The following NCOR1 variants were observed in gnomAD, a reference collection of about 807,000 sequenced individuals.
The protein encoded by NCOR1 is nuclear receptor corepressor 1.
Under a neutral mutation model 288.1 loss-of-function variants are expected in NCOR1, and 63 were observed. The ratio of observed to expected loss-of-function variants is 0.22; its 90% CI spans 0.18 to 0.27. The LOEUF is 0.27. Ranked by LOEUF, NCOR1 falls within the 10% of genes least tolerant of loss-of-function variation. NCOR1 has a pLI of 1.00. For missense variants in NCOR1, 2,397 were observed against 3,019.2 expected (o/e 0.79, Z 4.83); for synonymous variants, 1,007 against 1,065.9 (o/e 0.94, Z 1.08).
chr17:16,061,948 T>C lies in NCOR1; in HGVS notation c.5388-54A>G. ...TGAAGGGAAGACCATTTGCTGGGAATGTGGTGGGGAGATGGAAGGACAAAC... is the reference window on the plus strand; with the variant it reads ...TGAAGGGAAGACCATTTGCTGGGAACGTGGTGGGGAGATGGAAGGACAAAC... On this transcript the variant is annotated intron_variant, in intron 36 of 45. Coordinates refer to ENST00000268712, the MANE Select transcript of NCOR1 (RefSeq NM_006311.4). 8 of 1,566,236 alleles carry C rather than the reference T, an allele frequency of 5.1e-6. No individual in the cohort carries two copies. In the South Asian group the frequency reaches 9.7e-5, roughly 19 times the overall value.
Position 16,126,179 on chromosome 17 carries a change from T to G in NCOR1, c.1537A>C (p.Lys513Gln), listed in dbSNP as rs1247354377. The G allele has an allele frequency of 6.4e-7, 1 of 1,557,118 alleles. No individual in the cohort carries two copies. The highest frequency in any genetic ancestry group is 8.6e-7 in the Non-Finnish European group (1 of 1,158,108). ...QQIARPSQEE[K>Q]VEEKEEDKAE... ...TTATCCTCTTCTTTTTCTTCTACTT[T>G]TTCTTCTTGCGAGGGTCGAGCAATT... The change falls in exon 15 of 46, where the codon AAA (lysine) becomes CAA (glutamine). Residue 513 changes from lysine to glutamine, a missense_variant. Physicochemically the swap from Lys to Gln is moderately conservative, Grantham distance 53. Coordinates refer to ENST00000268712, the MANE Select transcript of NCOR1 (RefSeq NM_006311.4).
chr17:16,077,385 C>T (rs971181495), intron 26 of NCOR1, among the ~76,000 whole-genome samples: 4 of 146,156 alleles, frequency 2.7e-5, no homozygotes, highest in African/African-American at 1.0e-4. Flanking sequence ...GCCTGGGCAA[C>T]AGAGCAAGAC....
At chr17:16,092,900 C>T (rs963131733) in intron 21 of NCOR1, among the ~76,000 whole-genome samples, 19 of 150,546 alleles carry the variant, frequency 1.3e-4, no homozygotes, top group African/African-American at 2.9e-4. Context: ...GAAGGGGTTT[C>T]GCCATGTTGG....
intron 11 of NCOR1, among the ~76,000 whole-genome samples, chr17:16,143,075 T>G (rs1294629662): frequency 6.6e-6 from 1 of 152,214 alleles, no homozygotes; most frequent in Non-Finnish European, 1.5e-5. Context: ...TGCAGACAGA[T>G]GACTCTGATA....
At chr17:16,033,616 A>G (rs969546000) in intron 45 of NCOR1, among the ~76,000 whole-genome samples, 2 of 151,232 alleles carry the variant, frequency 1.3e-5, no homozygotes, top group African/African-American at 4.9e-5. Flanking sequence ...AAGATGGCTT[A>G]TAATTCTCTG....
intron 35 of NCOR1, among the ~76,000 whole-genome samples, chr17:16,063,049 A>G (rs911651680): frequency 4.6e-5 from 7 of 152,300 alleles, no homozygotes; most frequent in South Asian, 2.1e-4. Flanking sequence ...CACTGGCTTC[A>G]TAACAGCTAG....
rs1971824352 is a variant in NCOR1, at chr17:16,030,533, TTA to T, written c.*1761_*1762del. On this transcript the variant is annotated 3_prime_UTR_variant, in exon 46 of 46. Coordinates refer to ENST00000268712, the MANE Select transcript of NCOR1 (RefSeq NM_006311.4). ...AGCAGAAAACTGTGAAGTGGAACAT[TTA>T]GTCACTGTTTTTCATTCATTTTGAA... 1 of 192,772 alleles carries T rather than the reference TTA, an allele frequency of 5.2e-6. No homozygotes were observed. The highest frequency in any genetic ancestry group is 2.3e-5 in the African/African-American group (1 of 43,032). 11.9% of individuals were successfully genotyped at this position (192,772 alleles called of 1,614,324 possible). A position where few individuals can be genotyped will look rare whatever the true frequency, so the allele number is the denominator to read the frequency against.
At position 16,064,972 on chromosome 17, in the gene NCOR1, G is replaced by A. The variant is rs755439859; in HGVS notation, c.4999C>T (p.Pro1667Ser). Residue 1667 changes from proline to serine, a missense_variant, in exon 34 of 46, where the codon CCA becomes TCA. Around this residue, in one of 11 missense-constraint regions of NCOR1, gnomAD observed 1,872 missense variants for 2,187.8 expected, o/e 0.86. Coordinates refer to ENST00000268712, the MANE Select transcript of NCOR1 (RefSeq NM_006311.4). ...ATGGGAGGAGTGCTTGTTCCCCCTG[G>A]ATGAGGCACTAAAATTGTTGGAGGC... ...NMPPTILVPH[P>S]GGTSTPPMDR... is the part of the protein sequence containing the mutation. 6.2e-7 allele frequency: 1 copy of A among 1,613,810 alleles called. No homozygotes were observed. The highest frequency in any genetic ancestry group is 8.5e-7 in the Non-Finnish European group (1 of 1,179,860).
At chr17:16,054,829 G>C (rs1415747387) in intron 40 of NCOR1, among the ~76,000 whole-genome samples, 1 of 152,184 alleles carries the variant, frequency 6.6e-6, no homozygotes. Context: ...CTACTTAGGA[G>C]GCTGAGGCAG....
chr17:16,076,009 A>G (rs2062401689), intron 26 of NCOR1, among the ~76,000 whole-genome samples: 1 of 152,250 alleles, frequency 6.6e-6, no homozygotes, highest in South Asian at 2.1e-4. Flanking sequence ...TCTCTTAAGG[A>G]CTAAAATCAA....
At chr17:16,098,311 T>C in intron 21 of NCOR1, 56 bp downstream of exon 21, 1 of 1,533,018 alleles carries the variant, frequency 6.5e-7, no homozygotes, top group Non-Finnish European at 8.9e-7. Context: ...AAGAAATATG[T>C]CTATAAAGGT....
At chr17:16,094,226 C>T (rs1371394748) in intron 21 of NCOR1, among the ~76,000 whole-genome samples, 2 of 151,986 alleles carry the variant, frequency 1.3e-5, no homozygotes, top group Non-Finnish European at 2.9e-5. Context: ...TTATGCAGAC[C>T]GGTCCATACG....
intron 8 of NCOR1, 73 bp downstream of exon 8, chr17:16,151,873 A>G: frequency 8.9e-7 from 1 of 1,119,770 alleles, no homozygotes; most frequent in East Asian, 2.4e-5. Context: ...TAATGTCAGC[A>G]GATAACAAAA....
At chr17:16,190,208 T>C (rs2087842446) in intron 2 of NCOR1, among the ~76,000 whole-genome samples, 2 of 152,190 alleles carry the variant, frequency 1.3e-5, no homozygotes, top group African/African-American at 2.4e-5. Flanking sequence ...TCAGCCTGGG[T>C]GATAGAGTGA....
chr17:16,141,222 G>C (rs1240578108), intron 11 of NCOR1, among the ~76,000 whole-genome samples: 1 of 152,072 alleles, frequency 6.6e-6, no homozygotes, highest in Non-Finnish European at 1.5e-5. Flanking sequence ...ATATAACAAT[G>C]CACTGAAAAG....
intron 14 of NCOR1, among the ~76,000 whole-genome samples, chr17:16,126,847 G>A (rs977642538): frequency 3.3e-5 from 5 of 152,122 alleles, no homozygotes. Flanking sequence ...AAAGAAAAAA[G>A]TGAAACTAAG....
At chr17:16,142,850 A>C (rs1599332953) in intron 11 of NCOR1, among the ~76,000 whole-genome samples, 1 of 152,206 alleles carries the variant, frequency 6.6e-6, no homozygotes, top group African/African-American at 2.4e-5. Context: ...TACCTGTTTC[A>C]TAATTTTATT....
intron 31 of NCOR1, among the ~76,000 whole-genome samples, chr17:16,068,878 T>C (rs1849920446): frequency 6.6e-6 from 1 of 152,054 alleles, no homozygotes; most frequent in African/African-American, 2.4e-5. Context: ...CATGCACGGC[T>C]AATTGTTTTT....
At chr17:16,184,477 A>C (rs2086191465) in intron 3 of NCOR1, among the ~76,000 whole-genome samples, 2 of 152,216 alleles carry the variant, frequency 1.3e-5, no homozygotes, top group Non-Finnish European at 2.9e-5. Flanking sequence ...CAGTATCATT[A>C]GTCATCAGGG....
Sources: gnomAD v4.1 joint callset for allele counts (sites outside exome capture counted in the v4.1 genomes callset) on GRCh38, gnomAD v4.1.1 for gene constraint, gnomAD v4.1.1 regional missense constraint, MANE v1.5 for transcripts, NCBI Gene and HGNC (gene_info 2026-07-23, HGNC 2026-07-21) for gene names.